The following UBE2Q2 variants were observed in gnomAD, a reference collection of about 807,000 sequenced individuals.
UBE2Q2 encodes the protein ubiquitin-conjugating enzyme E2 Q2.
In UBE2Q2, 54 loss-of-function variants were observed where a neutral mutation model predicts 59.9. That is an observed-to-expected ratio of 0.90 (90% confidence interval 0.72 to 1.13). The LOEUF (loss-of-function observed/expected upper bound fraction) is 1.13. UBE2Q2 is among the 50% of genes most tolerant of loss of function. UBE2Q2 has a pLI of 0.00. For missense variants in UBE2Q2, 433 were observed against 441.9 expected (o/e 0.98, Z 0.18); for synonymous variants, 165 against 155.2 (o/e 1.06, Z -0.47).
At chr15:75,891,134 T>C in intron 11 of UBE2Q2, 120 bp downstream of exon 11, 1 of 764,732 alleles carries the variant, frequency 1.3e-6, no homozygotes, top group Non-Finnish European at 2.0e-6. Flanking sequence ...TGGTTTGTTT[T>C]CTTCTTGTTA....
rs1229663176 is a variant in UBE2Q2 at position 75,899,518 on chromosome 15, C to T, written c.*60C>T. On this transcript the variant is annotated 3_prime_UTR_variant, in exon 13 of 13. Coordinates refer to ENST00000267938, the MANE Select transcript of UBE2Q2 (RefSeq NM_173469.4). Reference sequence around the variant, plus strand: ...CTTTAAAGAAAATCTTTCTAACATGCAGACAAAAGCTTTGAGTGCCCCTAT... The same window carrying T: ...CTTTAAAGAAAATCTTTCTAACATGTAGACAAAAGCTTTGAGTGCCCCTAT... 2.8e-6 allele frequency: 4 copies of T among 1,432,182 alleles called. No individual in the cohort carries two copies. The highest frequency in any genetic ancestry group is 3.8e-6 in the Non-Finnish European group (4 of 1,041,310). The allele number at this position is 1,432,182 out of a possible 1,614,324, so 88.7% of individuals were successfully genotyped here. A position where few individuals can be genotyped will look rare whatever the true frequency, so the allele number is the denominator to read the frequency against.
At chr15:75,894,696 C>T (rs1352671462) in intron 11 of UBE2Q2, among the ~76,000 whole-genome samples, 1 of 151,992 alleles carries the variant, frequency 6.6e-6, no homozygotes, top group Non-Finnish European at 1.5e-5. Flanking sequence ...AAAGTCTCTG[C>T]AGAAACATTT....
chr15:75,849,760 T>C (rs1209251750), intron 1 of UBE2Q2, among the ~76,000 whole-genome samples: 1 of 152,210 alleles, frequency 6.6e-6, no homozygotes, highest in Non-Finnish European at 1.5e-5. Flanking sequence ...ACAAAGGACC[T>C]GAGTAATTAG....
intron 1 of UBE2Q2, among the ~76,000 whole-genome samples, chr15:75,852,100 C>T (rs971477924): frequency 2.6e-5 from 4 of 152,078 alleles, no homozygotes; most frequent in African/African-American, 9.7e-5. Context: ...TGGTCTTGAA[C>T]TCCTGGGCTC....
intron 4 of UBE2Q2, 118 bp from the exon 5 acceptor site, chr15:75,873,310 A>T: frequency 1.1e-6 from 1 of 926,326 alleles, no homozygotes; most frequent in Non-Finnish European, 1.6e-6. Context: ...CCTATAGGAT[A>T]GTTACATTTT....
chr15:75,844,515 C>T, intron 1 of UBE2Q2: 3 of 1,549,372 alleles, frequency 1.9e-6, no homozygotes, highest in Non-Finnish European at 2.6e-6. Flanking sequence ...CGTGTGGCCC[C>T]TCCCTTGTGT....
chr15:75,891,313 T>C (rs1899092146), intron 11 of UBE2Q2, among the ~76,000 whole-genome samples: 3 of 152,180 alleles, frequency 2.0e-5, no homozygotes, highest in African/African-American at 7.2e-5. Context: ...TTTACAGTTG[T>C]AAACTTATTA....
chr15:75,852,838 C>T (rs758526419), intron 1 of UBE2Q2, among the ~76,000 whole-genome samples: 5 of 152,088 alleles, frequency 3.3e-5, no homozygotes, highest in Non-Finnish European at 7.4e-5. Flanking sequence ...AGTAAATAAC[C>T]CATTATTGAC....
intron 9 of UBE2Q2, among the ~76,000 whole-genome samples, chr15:75,885,081 T>C (rs1307579478): frequency 2.6e-5 from 4 of 152,202 alleles, no homozygotes; most frequent in African/African-American, 9.6e-5. Flanking sequence ...ATCTTTGCCA[T>C]AGCTCTCAAA....
intron 1 of UBE2Q2, 93 bp downstream of exon 1, chr15:75,843,939 G>A: frequency 7.0e-7 from 1 of 1,419,448 alleles, no homozygotes; most frequent in Non-Finnish European, 9.1e-7. Context: ...CCCCGGAGAG[G>A]CTCCGGCTCC....
chr15:75,870,560 C>A (rs991152135), intron 4 of UBE2Q2, among the ~76,000 whole-genome samples: 3 of 152,012 alleles, frequency 2.0e-5, no homozygotes, highest in African/African-American at 7.2e-5. Context: ...TTTCTTTTTC[C>A]CCTCATAAGA....
chr15:75,884,839 G>A (rs1027834822), intron 9 of UBE2Q2, among the ~76,000 whole-genome samples: 16 of 152,094 alleles, frequency 1.1e-4, no homozygotes, highest in African/African-American at 3.9e-4. Context: ...GGTAGAGATG[G>A]TGTTTTGCCA....
At position 75,873,575 on chromosome 15, in the gene UBE2Q2, G is replaced by A. The variant is rs776887394; in HGVS notation, c.588+7G>A. On this transcript the variant is annotated splice_region_variant and intron_variant, in intron 5 of 12. Coordinates refer to ENST00000267938, the MANE Select transcript of UBE2Q2 (RefSeq NM_173469.4). The stretch of plus-strand genomic sequence containing the variant: ...AAGGCAAGACCATTTAAATGTAAGT[G>A]TGTGTAGATATCTAGAACCTGGACT... 5 of 1,608,628 alleles carry A rather than the reference G, an allele frequency of 3.1e-6. No homozygotes were observed. In the African/African-American group the frequency reaches 6.7e-5, roughly 22 times the overall value.
chr15:75,861,971 C>A (rs777874653), intron 3 of UBE2Q2, among the ~76,000 whole-genome samples: 58 of 152,160 alleles, frequency 3.8e-4, no homozygotes, highest in Non-Finnish European at 7.1e-4. Context: ...CTTCATCTGG[C>A]CTTTCTCTCT....
intron 2 of UBE2Q2, among the ~76,000 whole-genome samples, chr15:75,858,769 C>T (rs555967420): frequency 1.3e-5 from 2 of 152,358 alleles, no homozygotes; most frequent in African/African-American, 2.4e-5. Context: ...TCATTATGCA[C>T]TTAGCACGCA....
intron 1 of UBE2Q2, among the ~76,000 whole-genome samples, chr15:75,847,924 G>T (rs1295346778): frequency 2.0e-5 from 3 of 152,080 alleles, no homozygotes; most frequent in African/African-American, 7.2e-5. Flanking sequence ...CTTTTAGTGG[G>T]ACTTTGTTTT....
chr15:75,882,568 A>G (rs1363655923), intron 8 of UBE2Q2, among the ~76,000 whole-genome samples: 1 of 152,212 alleles, frequency 6.6e-6, no homozygotes, highest in East Asian at 1.9e-4. Flanking sequence ...CCAAGCTTAC[A>G]TCAACCTCTA....
intron 2 of UBE2Q2, 79 bp from the exon 3 acceptor site, chr15:75,859,799 A>C (rs1897116613): frequency 2.0e-6 from 2 of 984,956 alleles, no homozygotes; most frequent in South Asian, 1.9e-5. Flanking sequence ...TACTGGATTG[A>C]TTACAGTAGT....
At chr15:75,884,489 A>T (rs1898644472) in intron 9 of UBE2Q2, among the ~76,000 whole-genome samples, 2 of 152,160 alleles carry the variant, frequency 1.3e-5, no homozygotes, top group Non-Finnish European at 2.9e-5. Flanking sequence ...CAGAATACAT[A>T]CTAACTTTGG....
Sources: allele counts gnomAD v4.1 joint callset (sites outside exome capture counted in the v4.1 genomes callset), GRCh38; gene constraint gnomAD v4.1.1; transcripts MANE v1.5; gene names NCBI Gene and HGNC (gene_info 2026-07-23, HGNC 2026-07-21).